Variants in DTWD2 observed in about 807,000 individuals in gnomAD.
DTWD2 encodes tRNA-uridine aminocarboxypropyltransferase 2.
A neutral mutation model predicts 31.8 loss-of-function variants in DTWD2; 39 were observed. The observed-to-expected ratio is 1.22, with a 90% confidence interval of 0.95 to 1.60. The LOEUF (loss-of-function observed/expected upper bound fraction) is 1.60, where lower values mean the gene tolerates loss of function less well. Ranked by LOEUF, DTWD2 falls within the 40% of genes most tolerant of loss-of-function variation. DTWD2 has a pLI of 0.00. For missense variants in DTWD2, 515 were observed against 381.5 expected (o/e 1.35, Z -2.92); for synonymous variants, 180 against 142.8 (o/e 1.26, Z -1.86).
At chr5:118,963,128 T>C (rs1754742133) in intron 1 of DTWD2, among the ~76,000 whole-genome samples, 1 of 152,160 alleles carries the variant, frequency 6.6e-6, no homozygotes, top group Admixed American at 6.5e-5. Context: ...ATTAAGGATA[T>C]GTGGTTAAAG....
At chr5:118,949,934 G>A (rs191124241) in intron 1 of DTWD2, among the ~76,000 whole-genome samples, 5 of 152,238 alleles carry the variant, frequency 3.3e-5, no homozygotes, top group African/African-American at 1.2e-4. Flanking sequence ...TAAGCGGCCG[G>A]GCGCGATGGC....
At chr5:118,988,138 TG>T in intron 1 of DTWD2, 155 bp downstream of exon 1, 1 of 880,870 alleles carries the variant, frequency 1.1e-6, no homozygotes, top group Non-Finnish European at 1.8e-6. Flanking sequence ...ACTAGGTAGC[TG>T]TGCCTGGCAT....
At chr5:118,923,291 T>C (rs1327901629) in intron 4 of DTWD2, among the ~76,000 whole-genome samples, 2 of 152,152 alleles carry the variant, frequency 1.3e-5, no homozygotes, top group South Asian at 2.1e-4. Flanking sequence ...TGGCAGCCCA[T>C]TCAGGGCGCC....
chr5:118,927,402 T>C (rs1465527677), intron 4 of DTWD2, among the ~76,000 whole-genome samples: 1 of 151,930 alleles, frequency 6.6e-6, no homozygotes, highest in Non-Finnish European at 1.5e-5. Context: ...CGTAATGAAA[T>C]AAAAATAAAC....
At chr5:118,980,817 C>T (rs1019053221) in intron 1 of DTWD2, among the ~76,000 whole-genome samples, 49 of 152,248 alleles carry the variant, frequency 3.2e-4, no homozygotes, top group Middle Eastern at 3.4e-3. Flanking sequence ...ATGGCAAAAA[C>T]CACAATTACT....
chr5:118,877,703 GA>G (rs920327686), intron 4 of DTWD2, among the ~76,000 whole-genome samples: 10 of 152,098 alleles, frequency 6.6e-5, no homozygotes, highest in South Asian at 4.2e-4. Context: ...TCGAGCAAGA[GA>G]AAGAAATAAA....
chr5:118,857,441 A>G (rs1196870491), intron 4 of DTWD2, among the ~76,000 whole-genome samples: 1 of 152,166 alleles, frequency 6.6e-6, no homozygotes, highest in Non-Finnish European at 1.5e-5. Flanking sequence ...GACTTTTGTC[A>G]TATGCTCATT....
chr5:118,904,022 C>T (rs1234419009), intron 4 of DTWD2, among the ~76,000 whole-genome samples: 1 of 151,952 alleles, frequency 6.6e-6, no homozygotes, highest in Non-Finnish European at 1.5e-5. Context: ...ACTATAGTGT[C>T]TGTACTAAAT....
At chr5:118,982,379 T>C (rs953359459) in intron 1 of DTWD2, among the ~76,000 whole-genome samples, 1 of 152,176 alleles carries the variant, frequency 6.6e-6, no homozygotes. Context: ...CCATTCCTCT[T>C]TGAAGACTTA....
At chr5:118,859,418 G>A (rs1752210251) in intron 4 of DTWD2, among the ~76,000 whole-genome samples, 1 of 151,940 alleles carries the variant, frequency 6.6e-6, no homozygotes, top group Admixed American at 6.6e-5. Context: ...TGAATTAATG[G>A]CATATGTTTT....
intron 4 of DTWD2, among the ~76,000 whole-genome samples, chr5:118,888,528 T>C (rs1752914720): frequency 6.6e-6 from 1 of 152,244 alleles, no homozygotes; most frequent in African/African-American, 2.4e-5. Context: ...GGGTTGTTCC[T>C]AGTTTGGGGC....
intron 4 of DTWD2, among the ~76,000 whole-genome samples, chr5:118,849,951 C>G (rs116524461): frequency 6.6e-6 from 1 of 151,448 alleles, no homozygotes; most frequent in East Asian, 1.9e-4. Context: ...CAAACCACCA[C>G]GGCACGTGTA....
chr5:118,976,341 G>A (rs1755158481), intron 1 of DTWD2, among the ~76,000 whole-genome samples: 2 of 152,006 alleles, frequency 1.3e-5, no homozygotes, highest in African/African-American at 4.8e-5. Context: ...TAAGATCAGA[G>A]CAGAACTGAA....
chr5:118,918,296 C>G (rs1753623895), intron 4 of DTWD2, among the ~76,000 whole-genome samples: 1 of 152,046 alleles, frequency 6.6e-6, no homozygotes, highest in African/African-American at 2.4e-5. Flanking sequence ...AATCTGACCG[C>G]CAAGAGATGA....
intron 4 of DTWD2, among the ~76,000 whole-genome samples, chr5:118,867,199 G>A (rs564983274): frequency 8.5e-5 from 13 of 152,152 alleles, no homozygotes; most frequent in African/African-American, 3.1e-4. Context: ...ATGAGGTAAT[G>A]ATTTATAAAC....
chr5:118,908,481 T>A (rs966220137), intron 4 of DTWD2, among the ~76,000 whole-genome samples: 3 of 152,152 alleles, frequency 2.0e-5, no homozygotes, highest in African/African-American at 7.2e-5. Context: ...GAGCTAGTAA[T>A]TAAGAAAACA....
intron 4 of DTWD2, among the ~76,000 whole-genome samples, chr5:118,869,667 A>G (rs1251442374): frequency 6.6e-6 from 1 of 152,222 alleles, no homozygotes; most frequent in Non-Finnish European, 1.5e-5. Flanking sequence ...TCAGATTTTA[A>G]TCATTAATTC....
intron 4 of DTWD2, among the ~76,000 whole-genome samples, chr5:118,875,286 C>A (rs1051031366): frequency 1.3e-5 from 2 of 152,056 alleles, no homozygotes; most frequent in South Asian, 4.1e-4. Flanking sequence ...TATAAAGCAA[C>A]CACATAAACA....
chr5:118,972,809 G>A (rs1755017904), intron 1 of DTWD2, among the ~76,000 whole-genome samples: 2 of 152,172 alleles, frequency 1.3e-5, no homozygotes, highest in South Asian at 4.1e-4. Context: ...GGGATCCAAG[G>A]TTGGTTCAAC....
Sources: allele counts gnomAD v4.1 joint callset (sites outside exome capture counted in the v4.1 genomes callset), GRCh38; gene constraint gnomAD v4.1.1; transcripts MANE v1.5; gene names NCBI Gene and HGNC (gene_info 2026-07-23, HGNC 2026-07-21).